AGL: variants seen among roughly 807,000 people sequenced by gnomAD.
The protein encoded by AGL is amylo-alpha-1,6-glucosidase and 4-alpha-glucanotransferase.
AGL carries 128 observed loss-of-function variants against 199.3 expected under a neutral mutation model. That is an observed-to-expected ratio of 0.64 (90% CI 0.56 to 0.74). The LOEUF is 0.74. Among genes scored for constraint, AGL ranks in the 30% least tolerant of loss-of-function variants. The pLI, the probability that AGL is intolerant of heterozygous loss-of-function variation, is 0.00. For synonymous variants in AGL, 584 were observed against 594.7 expected (o/e 0.98, Z 0.26); for missense variants, 1,809 against 1,820.8 (o/e 0.99, Z 0.12).
chr1:99,886,760 T>G (rs181535883), intron 20 of AGL, among the ~76,000 whole-genome samples: 4 of 152,364 alleles, frequency 2.6e-5, no homozygotes, highest in Non-Finnish European at 5.9e-5. Flanking sequence ...TTCGGCTTTC[T>G]TTGTTGTTTT....
intron 5 of AGL, 78 bp downstream of exon 5, chr1:99,864,667 A>G: frequency 7.6e-7 from 1 of 1,323,422 alleles, no homozygotes; most frequent in Non-Finnish European, 1.1e-6. Context: ...AATAAGAGAA[A>G]GGAAGAAAGA....
chr1:99,863,827 G>A (rs1368644035), intron 4 of AGL, among the ~76,000 whole-genome samples: 10 of 145,608 alleles, frequency 6.9e-5, no homozygotes, highest in Non-Finnish European at 1.3e-4. Flanking sequence ...TTTTTGTAGA[G>A]ACAAAAGTCT....
chr1:99,873,816 A>G (rs1330400487), intron 7 of AGL, among the ~76,000 whole-genome samples: 2 of 152,170 alleles, frequency 1.3e-5, no homozygotes, highest in Admixed American at 6.5e-5. Flanking sequence ...CTGTTTTGTG[A>G]GGCTAACGTG....
chr1:99,899,524 C>CTT (rs1553190002), intron 25 of AGL, among the ~76,000 whole-genome samples: 108 of 135,642 alleles, frequency 8.0e-4, no homozygotes, highest in Non-Finnish European at 1.1e-3. Context: ...CTCTCTCTCT[C>CTT]TCTCTTTCTC....
At chr1:99,910,992 T>A in intron 28 of AGL, 145 bp downstream of exon 28, 1 of 818,714 alleles carries the variant, frequency 1.2e-6, no homozygotes, top group Non-Finnish European at 2.0e-6. Context: ...CTCCCCATTA[T>A]ACATTTACAC....
chr1:99,868,262 CA>C (rs1485511769), intron 5 of AGL, among the ~76,000 whole-genome samples: 6 of 152,034 alleles, frequency 3.9e-5, no homozygotes, highest in African/African-American at 1.5e-4. Flanking sequence ...TTTCATTTTA[CA>C]GTTGATTTTT....
At chr1:99,867,551 T>A (rs1026730418) in intron 5 of AGL, among the ~76,000 whole-genome samples, 1 of 151,454 alleles carries the variant, frequency 6.6e-6, no homozygotes, top group African/African-American at 2.4e-5. Flanking sequence ...TTTTTTTTAA[T>A]TTTTTTTTCT....
At chr1:99,866,881 C>T (rs189817371) in intron 5 of AGL, among the ~76,000 whole-genome samples, 23 of 151,742 alleles carry the variant, frequency 1.5e-4, no homozygotes, top group Admixed American at 5.2e-4. Context: ...TGCAATGGCG[C>T]GATCTCGGCT....
intron 25 of AGL, among the ~76,000 whole-genome samples, chr1:99,898,747 G>A (rs989509020): frequency 6.6e-6 from 1 of 152,032 alleles, no homozygotes; most frequent in Non-Finnish European, 1.5e-5. Flanking sequence ...AAAGAGAGCT[G>A]GGGGAACACA....
intron 31 of AGL, among the ~76,000 whole-genome samples, chr1:99,915,964 A>G (rs79889899): frequency 0.01 from 1,575 of 152,322 alleles, 28 homozygotes; most frequent in African/African-American, 0.036. Context: ...TTTTAATTTT[A>G]AAATAATTTT....
intron 2 of AGL, among the ~76,000 whole-genome samples, chr1:99,856,150 C>G (rs1025143550): frequency 1.1e-4 from 16 of 152,266 alleles, no homozygotes; most frequent in Non-Finnish European, 1.8e-4. Flanking sequence ...GGAATCTGAC[C>G]TACTGTAGGC....
chr1:99,856,921 CGT>C (rs1017938955), intron 2 of AGL, among the ~76,000 whole-genome samples: 4 of 152,220 alleles, frequency 2.6e-5, no homozygotes, highest in Non-Finnish European at 2.9e-5. Flanking sequence ...AAACCGCCGT[CGT>C]CATCATGGCC....
chr1:99,901,945 A>G (rs1254899043), intron 26 of AGL, among the ~76,000 whole-genome samples: 3 of 152,122 alleles, frequency 2.0e-5, no homozygotes, highest in African/African-American at 4.8e-5. Flanking sequence ...CAGGCAGGTA[A>G]TTATTTTACA....
chr1:99,882,424 A>G (rs1322078898), intron 17 of AGL, among the ~76,000 whole-genome samples: 1 of 152,170 alleles, frequency 6.6e-6, no homozygotes, highest in Non-Finnish European at 1.5e-5. Context: ...AAATAATATA[A>G]CCTTATGTTT....
At chr1:99,895,928 A>G (rs1190458866) in intron 24 of AGL, among the ~76,000 whole-genome samples, 2 of 152,208 alleles carry the variant, frequency 1.3e-5, no homozygotes, top group African/African-American at 2.4e-5. Context: ...GTGACGCAAG[A>G]CTGTGCCACT....
chr1:99,870,716 G>A, intron 6 of AGL, 42 bp from the exon 7 acceptor site: 1 of 1,407,024 alleles, frequency 7.1e-7, no homozygotes, highest in Non-Finnish European at 1.0e-6. Context: ...TTTTAAATAA[G>A]TATATGTATA....
At chr1:99,876,825 A>G (rs1326397137) in intron 11 of AGL, among the ~76,000 whole-genome samples, 2 of 152,216 alleles carry the variant, frequency 1.3e-5, no homozygotes, top group South Asian at 2.1e-4. Context: ...ATCTTCTCAA[A>G]CAGAATAACT....
At chr1:99,901,542 G>A (rs1267085772) in intron 26 of AGL, among the ~76,000 whole-genome samples, 4 of 152,056 alleles carry the variant, frequency 2.6e-5, no homozygotes, top group African/African-American at 9.7e-5. Flanking sequence ...GGCTTTTTGT[G>A]TAGGATACCT....
At chr1:99,894,046 G>C (rs1230138967) in intron 24 of AGL, among the ~76,000 whole-genome samples, 1 of 152,002 alleles carries the variant, frequency 6.6e-6, no homozygotes, top group Non-Finnish European at 1.5e-5. Flanking sequence ...AAATTAGCCA[G>C]GCATGGTGGT....
Sources: allele counts gnomAD v4.1 joint callset (sites outside exome capture counted in the v4.1 genomes callset), GRCh38; gene constraint gnomAD v4.1.1; transcripts MANE v1.5; gene names NCBI Gene and HGNC (gene_info 2026-07-23, HGNC 2026-07-21).